Variants in SOX5 observed in about 807,000 individuals in gnomAD.
The protein encoded by SOX5 is SRY-box transcription factor 5.
A neutral mutation model predicts 92.0 loss-of-function variants in SOX5; 9 were observed. The observed-to-expected ratio is 0.10, with a 90% CI of 0.06 to 0.17. The LOEUF (loss-of-function observed/expected upper bound fraction) is 0.17. SOX5 is among the 10% of genes least tolerant of loss of function. The probability of loss-of-function intolerance (pLI) is 1.00; values close to 1 mark genes in which losing one functional copy is unlikely to be tolerated. For synonymous variants in SOX5, 344 were observed against 336.3 expected, an observed-to-expected ratio of 1.02 and a Z score of -0.25; for missense variants, 642 against 944.5, an observed-to-expected ratio of 0.68 and a Z score of 4.20.
chr12:24,008,048 G>C (rs373161188), intron 4 of SOX5, among the ~76,000 whole-genome samples: 2 of 151,718 alleles, frequency 1.3e-5, no homozygotes, highest in Admixed American at 6.6e-5. Flanking sequence ...AACCAGAAAC[G>C]TCTATAGAGA....
At chr12:23,780,167 T>C (rs923273720) in intron 3 of SOX5, among the ~76,000 whole-genome samples, 10 of 151,992 alleles carry the variant, frequency 6.6e-5, no homozygotes, top group African/African-American at 2.4e-4. Flanking sequence ...GTACTAGAGG[T>C]AAAATGTCTA....
intron 2 of SOX5, among the ~76,000 whole-genome samples, chr12:24,340,377 C>T (rs183604002): frequency 1.2e-4 from 18 of 152,300 alleles, no homozygotes; most frequent in Admixed American, 9.8e-4. Flanking sequence ...AAAGCATTGG[C>T]ACCCAACTTG....
chr12:23,706,937 T>G (rs1010246242), intron 6 of SOX5, among the ~76,000 whole-genome samples: 4 of 152,104 alleles, frequency 2.6e-5, no homozygotes, highest in Admixed American at 1.3e-4. Flanking sequence ...AGTCTACAAC[T>G]AATATGTTTA....
At chr12:23,600,179 T>A (rs908979208) in intron 9 of SOX5, among the ~76,000 whole-genome samples, 1 of 152,188 alleles carries the variant, frequency 6.6e-6, no homozygotes, top group Admixed American at 6.6e-5. Flanking sequence ...GAATTATTTT[T>A]ATAATTTTCA....
At chr12:24,450,108 CA>C (rs1290805652) in intron 1 of SOX5, among the ~76,000 whole-genome samples, 1 of 152,084 alleles carries the variant, frequency 6.6e-6, no homozygotes, top group Admixed American at 6.6e-5. Context: ...AGGAATTTCC[CA>C]AAATTTGTTC....
chr12:23,784,439 G>A lies in SOX5; in HGVS notation c.482-28715C>T, dbSNP rs545084151. Among the ~76,000 whole-genome samples the A allele has an allele frequency of 2.6e-3, 394 of 151,996 alleles. 2 individuals are homozygous for A. Among genetic ancestry groups the A allele is most frequent in the Middle Eastern group, 0.014 (4 of 294 alleles). On this transcript the variant is annotated intron_variant, in intron 3 of 14. Transcript: ENST00000451604. ...CCTCCCGGGTTCACGCCATTTTCCC[G>A]CCTCAGCCTCCCGAGTAGCTGGCAC...
intron 6 of SOX5, among the ~76,000 whole-genome samples, chr12:23,710,161 G>A (rs2091893897): frequency 6.6e-6 from 1 of 151,982 alleles, no homozygotes; most frequent in South Asian, 2.1e-4. Flanking sequence ...GAAAGAGAAA[G>A]TTCTTTGTTG....
At chr12:24,232,693 A>G (rs1045653076) in intron 3 of SOX5, among the ~76,000 whole-genome samples, 1 of 152,182 alleles carries the variant, frequency 6.6e-6, no homozygotes, top group African/African-American at 2.4e-5. Flanking sequence ...GGAAAAATGT[A>G]TGTAACCTGG....
rs1207477773 is a variant in SOX5 at position 24,451,467 on chromosome 12, CT to C, written c.-250-82829del. Among the ~76,000 whole-genome samples the C allele has an allele frequency of 4.6e-5, 7 of 152,240 alleles. No homozygotes were observed. The East Asian group carries it at 1.4e-3, about 29-fold the overall frequency. On this transcript the variant is annotated intron_variant, in intron 1 of 4. Transcript: ENST00000446891. Reference sequence around the variant, plus strand: ...ACATCCTTGCCAGCATTATTTATTGCTTACCTTTTGGGTAGACGTAATTTTA... The same window carrying C: ...ACATCCTTGCCAGCATTATTTATTGCTACCTTTTGGGTAGACGTAATTTTA...
chr12:23,602,364 A>G (rs1414610605), intron 9 of SOX5, among the ~76,000 whole-genome samples: 2 of 152,154 alleles, frequency 1.3e-5, no homozygotes, highest in East Asian at 3.8e-4. Context: ...AGCATTTTCC[A>G]TGGTTACCTA....
At chr12:23,700,584 T>A (rs1343765018) in intron 6 of SOX5, among the ~76,000 whole-genome samples, 2 of 152,050 alleles carry the variant, frequency 1.3e-5, no homozygotes, top group East Asian at 3.9e-4. Context: ...ACTCTCCTGG[T>A]CGTGACTCTC....
chr12:24,440,628 G>A (rs1237125813), intron 1 of SOX5, among the ~76,000 whole-genome samples: 3 of 124,576 alleles, frequency 2.4e-5, no homozygotes, highest in Non-Finnish European at 5.8e-5. Flanking sequence ...GTGTGTGTGT[G>A]TGTGTGTGTG....
At chr12:24,052,891 T>C (rs1957698528) in intron 4 of SOX5, among the ~76,000 whole-genome samples, 1 of 152,114 alleles carries the variant, frequency 6.6e-6, no homozygotes, top group East Asian at 1.9e-4. Context: ...AATTACAGAG[T>C]TGTTTTCAAA....
rs1271983577 is a variant in SOX5, at chr12:23,845,964, T to C, written c.481+19A>G. 6.2e-7 allele frequency: 1 copy of C among 1,600,420 alleles called. No individual in the cohort carries two copies. The highest frequency in any genetic ancestry group is 8.6e-7 in the Non-Finnish European group (1 of 1,167,556). On this transcript the variant is annotated intron_variant, in intron 3 of 14. Transcript: ENST00000451604. Reference sequence around the variant, plus strand: ...AATCAGGACACAGCATCAACTTTGTTTTCTCTTCCAGCCTTTACCTTCCGG... The same window carrying C: ...AATCAGGACACAGCATCAACTTTGTCTTCTCTTCCAGCCTTTACCTTCCGG...
chr12:24,171,085 G>C (rs960062188), intron 4 of SOX5, among the ~76,000 whole-genome samples: 5 of 141,306 alleles, frequency 3.5e-5, no homozygotes, highest in Non-Finnish European at 6.1e-5. Flanking sequence ...TGGACACTTT[G>C]ATTTATTCCC....
chr12:23,571,644 G>T (rs918549769), intron 10 of SOX5, among the ~76,000 whole-genome samples: 1 of 152,062 alleles, frequency 6.6e-6, no homozygotes, highest in Non-Finnish European at 1.5e-5. Context: ...TGGTTATAAG[G>T]CTCCAAAATC....
At position 23,929,088 on chromosome 12, in the gene SOX5, G is replaced by A. The variant is rs1312698069; in HGVS notation, c.38+20476C>T. 2.0e-5 allele frequency among the ~76,000 whole-genome samples: 3 copies of A among 151,680 alleles called. 1 individual carries two copies. The highest frequency in any genetic ancestry group is 7.3e-5 in the African/African-American group (3 of 41,326). On this transcript the variant is annotated intron_variant, in intron 1 of 14. Transcript: ENST00000451604. ...AAAGCTTAACATGAAAGCCATAGCA[G>A]TATTACAAACATATGTATAAATTAA...
intron 4 of SOX5, among the ~76,000 whole-genome samples, chr12:24,135,401 T>G (rs1433294062): frequency 4.6e-5 from 7 of 152,204 alleles, no homozygotes; most frequent in Non-Finnish European, 1.0e-4. Flanking sequence ...TTCCCTCCCT[T>G]ACTAAGTCAA....
At chr12:23,567,257 G>T (rs1441298887) in intron 10 of SOX5, among the ~76,000 whole-genome samples, 2 of 152,046 alleles carry the variant, frequency 1.3e-5, no homozygotes, top group Non-Finnish European at 2.9e-5. Flanking sequence ...AGCAACAATT[G>T]CATCTAAAGT....
Sources: allele counts gnomAD v4.1 joint callset (sites outside exome capture counted in the v4.1 genomes callset), GRCh38; gene constraint gnomAD v4.1.1; transcripts MANE v1.5; gene names NCBI Gene and HGNC (gene_info 2026-07-23, HGNC 2026-07-21).